Variants in DOCK4 observed in about 807,000 individuals in gnomAD.
DOCK4 encodes dedicator of cytokinesis 4.
A neutral mutation model predicts 268.1 loss-of-function variants in DOCK4; 97 were observed. The observed-to-expected ratio is 0.36, with a 90% CI of 0.31 to 0.43. The LOEUF (loss-of-function observed/expected upper bound fraction) is 0.43. Among genes scored for constraint, DOCK4 ranks in the 20% least tolerant of loss-of-function variants. The probability of loss-of-function intolerance (pLI) is 1.00; values close to 1 mark genes in which losing one functional copy is unlikely to be tolerated. For synonymous variants in DOCK4, 954 were observed against 887.2 expected, an observed-to-expected ratio of 1.08 and a Z score of -1.34; for missense variants, 2,145 against 2,455.7, an observed-to-expected ratio of 0.87 and a Z score of 2.67.
At chr7:112,105,043 A>G (rs561317392) in intron 1 of DOCK4, among the ~76,000 whole-genome samples, 25 of 152,302 alleles carry the variant, frequency 1.6e-4, no homozygotes, top group Non-Finnish European at 2.2e-4. Context: ...GATCATAAAA[A>G]ACAGGAAGAT....
At chr7:112,008,678 A>C (rs1027001837) in intron 1 of DOCK4, among the ~76,000 whole-genome samples, 1 of 152,224 alleles carries the variant, frequency 6.6e-6, no homozygotes, top group Non-Finnish European at 1.5e-5. Flanking sequence ...TGACTTTTAA[A>C]ATTTTAAATC....
intron 1 of DOCK4, among the ~76,000 whole-genome samples, chr7:112,016,647 T>C (rs1801832868): frequency 6.6e-6 from 1 of 152,210 alleles, no homozygotes; most frequent in African/African-American, 2.4e-5. Flanking sequence ...TTATTTCAAT[T>C]GCAATCAAAA....
intron 15 of DOCK4, 89 bp from the exon 16 acceptor site, chr7:111,895,807 T>A (rs2074132): frequency 8.2e-7 from 1 of 1,219,226 alleles, no homozygotes. Context: ...GAAATATAAC[T>A]CATACACAAC....
In DOCK4 at chr7:111,784,098, T is replaced by C. The variant is rs1175293226; in HGVS notation, c.3427A>G (p.Ser1143Gly). 6.3e-7 allele frequency: 1 copy of C among 1,580,374 alleles called. No individual in the cohort carries two copies. Among genetic ancestry groups the C allele is most frequent in the Non-Finnish European group, 8.6e-7 (1 of 1,168,174 alleles). ...SIIPLFGPYPSLLKKIERETW... is the reference protein window; with the variant it reads ...SIIPLFGPYPGLLKKIERETW... ...CACAATTTGCAAACAATGTCTTACC[T>C]AGGATAGGGACCAAATAGTGGAATT... Residue 1143 changes from serine to glycine, a missense_variant and splice_region_variant, in exon 33 of 53, where the codon AGT becomes GGT. By Grantham distance (56) the Ser-to-Gly change is moderately conservative. This residue lies in a region of DOCK4 where 1,598 missense variants were observed against 1,986.7 expected (regional missense o/e 0.80). Transcript: ENST00000428084.
At chr7:111,755,676 G>A in intron 41 of DOCK4, 75 bp from the exon 42 acceptor site, 1 of 1,354,720 alleles carries the variant, frequency 7.4e-7, no homozygotes, top group South Asian at 1.2e-5. Context: ...GTGTTTGTCG[G>A]TCACTGTTAC....
intron 1 of DOCK4, among the ~76,000 whole-genome samples, chr7:112,079,627 C>T (rs1198712399): frequency 6.6e-6 from 1 of 152,148 alleles, no homozygotes; most frequent in Non-Finnish European, 1.5e-5. Flanking sequence ...GAATTGGGAA[C>T]TTTAAAACTA....
rs77340374 is a variant in DOCK4 at position 111,982,826 on chromosome 7, T to C, written c.549+1480A>G. ...GAACTTAAAAATTAAGTGAGAGATG[T>C]TCTTAAAAGTGAAAGAATATGATGT... On this transcript the variant is annotated intron_variant, in intron 7 of 52. Transcript: ENST00000428084. 2.1e-4 allele frequency among the ~76,000 whole-genome samples: 32 copies of C among 152,342 alleles called. No homozygotes were observed. In the East Asian group the frequency reaches 6.0e-3, roughly 28 times the overall value.
At chr7:111,946,676 GA>G (rs1373243545) in intron 8 of DOCK4, among the ~76,000 whole-genome samples, 15 of 152,130 alleles carry the variant, frequency 9.9e-5, no homozygotes, top group African/African-American at 3.4e-4. Context: ...CTGCCTCCTG[GA>G]TTCAAGAGAT....
chr7:111,949,642 AG>A (rs1181274909), intron 8 of DOCK4, among the ~76,000 whole-genome samples: 27 of 152,216 alleles, frequency 1.8e-4, no homozygotes, highest in South Asian at 8.3e-4. Flanking sequence ...AAAAGAAAAA[AG>A]AAAAAAAAAA....
intron 1 of DOCK4, among the ~76,000 whole-genome samples, chr7:112,133,668 C>T (rs541728439): frequency 3.3e-5 from 5 of 151,970 alleles, no homozygotes; most frequent in Admixed American, 2.0e-4. Context: ...TACAGTGAGC[C>T]GAGATGGCAC....
In DOCK4 at chr7:112,102,878, G is replaced by A. The variant is rs916290948; in HGVS notation, c.38-98747C>T. On this transcript the variant is annotated intron_variant, in intron 1 of 52. Coordinates refer to ENST00000428084, the MANE Select transcript of DOCK4 (RefSeq NM_001363540.2). ...AAACACTTTTTTTAAATGCCTTTAA[G>A]TATTCTAAACACTTTGTGTCAAAAA... Among the ~76,000 whole-genome samples, 5 of 152,292 alleles carry A rather than the reference G, an allele frequency of 3.3e-5. No homozygotes were observed. The South Asian group carries it at 6.2e-4, about 19-fold the overall frequency.
chr7:112,058,572 A>G (rs1806061259), intron 1 of DOCK4, among the ~76,000 whole-genome samples: 1 of 152,128 alleles, frequency 6.6e-6, no homozygotes, highest in Admixed American at 6.5e-5. Context: ...CCAATCATGA[A>G]CACATTAAAT....
chr7:111,994,306 T>C (rs1234354348), intron 4 of DOCK4, 75 bp from the exon 5 acceptor site: 25 of 959,632 alleles, frequency 2.6e-5, no homozygotes, highest in Non-Finnish European at 3.8e-5. Flanking sequence ...CTCTAAAAGA[T>C]AACTAGAAAA....
chr7:111,996,236 G>A (rs1027621340), intron 4 of DOCK4, among the ~76,000 whole-genome samples: 26 of 152,256 alleles, frequency 1.7e-4, no homozygotes, highest in Admixed American at 1.6e-3. Flanking sequence ...GAACATACAC[G>A]CAATTCAGTC....
intron 1 of DOCK4, among the ~76,000 whole-genome samples, chr7:112,177,695 T>C (rs1246505002): frequency 1.3e-5 from 2 of 152,192 alleles, no homozygotes; most frequent in East Asian, 1.9e-4. Flanking sequence ...TGTAAATTCA[T>C]AGTTGATATG....
Position 111,809,399 on chromosome 7 carries a change from G to C in DOCK4, c.3009C>G (p.Ile1003Met). The stretch of plus-strand genomic sequence containing the variant: ...CTGCGAGGTAAAAGTAGGAATCCCA[G>C]ATCTAAAACAAGAACAAGATATATC... ...NFLNENFDYK[I>M]WDSYFYLAVI... Residue 1003 changes from isoleucine to methionine, a missense_variant and splice_region_variant, in exon 29 of 53, where the codon ATC (isoleucine) becomes ATG (methionine). Ile to Met is a conservative substitution (Grantham distance 10). Around this residue, in one of 2 missense-constraint regions of DOCK4, gnomAD observed 1,598 missense variants for 1,986.7 expected, o/e 0.80. Transcript: ENST00000428084. 6.4e-7 allele frequency: 1 copy of C among 1,555,056 alleles called. No homozygotes were observed. The highest frequency in any genetic ancestry group is 8.7e-7 in the Non-Finnish European group (1 of 1,147,642).
At chr7:112,029,323 C>T (rs1030225267) in intron 1 of DOCK4, among the ~76,000 whole-genome samples, 1 of 152,132 alleles carries the variant, frequency 6.6e-6, no homozygotes, top group Non-Finnish European at 1.5e-5. Context: ...TCCTGGCAAC[C>T]CTAGAGAAGA....
At chr7:111,810,323 G>A (rs960396115) in intron 28 of DOCK4, among the ~76,000 whole-genome samples, 8 of 151,924 alleles carry the variant, frequency 5.3e-5, no homozygotes, top group African/African-American at 1.9e-4. Context: ...GTGGTGGTGC[G>A]CTCCTGTGGT....
rs1821413353 is a variant in DOCK4, at chr7:112,206,385, T to A, written c.-247A>T. On this transcript the variant is annotated 5_prime_UTR_variant, in exon 1 of 53. Coordinates refer to ENST00000428084, the MANE Select transcript of DOCK4 (RefSeq NM_001363540.2). ...CGCTCCCGGGTACCCGGCGGCGCAGTCATTGTTCTGATTCACTGAACTAAG... is the reference window on the plus strand; with the variant it reads ...CGCTCCCGGGTACCCGGCGGCGCAGACATTGTTCTGATTCACTGAACTAAG... 8.5e-6 allele frequency: 5 copies of A among 585,454 alleles called. No homozygotes were observed. The highest frequency in any genetic ancestry group is 1.5e-5 in the Non-Finnish European group (5 of 332,182). 36.3% of individuals were successfully genotyped at this position (585,454 alleles called of 1,614,324 possible).
Sources: gnomAD v4.1 joint callset for allele counts (sites outside exome capture counted in the v4.1 genomes callset) on GRCh38, gnomAD v4.1.1 for gene constraint, gnomAD v4.1.1 regional missense constraint, MANE v1.5 for transcripts, NCBI Gene and HGNC (gene_info 2026-07-23, HGNC 2026-07-21) for gene names.